SYDE2: variants seen among roughly 807,000 people sequenced by gnomAD.
The protein encoded by SYDE2 is rho GTPase-activating protein SYDE2.
SYDE2 carries 76 observed loss-of-function variants against 91.5 expected under a neutral mutation model. The ratio of observed to expected loss-of-function variants is 0.83; its 90% CI spans 0.69 to 1.01. The LOEUF is 1.01. Ranked by LOEUF, SYDE2 falls within the 50% of genes least tolerant of loss-of-function variation. SYDE2 has a pLI of 0.00. For synonymous variants in SYDE2, 513 were observed against 506.4 expected (o/e 1.01, Z -0.18); for missense variants, 1,364 against 1,367.7 (o/e 1.00, Z 0.04).
chr1:85,199,003 G>A (rs149141827), intron 1 of SYDE2, among the ~76,000 whole-genome samples: 21 of 152,246 alleles, frequency 1.4e-4, no homozygotes, highest in African/African-American at 3.9e-4. Flanking sequence ...TATTAGAGCC[G>A]TATAGACAGG....
intron 4 of SYDE2, among the ~76,000 whole-genome samples, chr1:85,173,362 G>GT (rs1657570903): frequency 6.6e-6 from 1 of 152,116 alleles, no homozygotes; most frequent in African/African-American, 2.4e-5. Flanking sequence ...TCCCCTGCAG[G>GT]TATCAGGGGG....
At chr1:85,180,242 GA>G (rs1657860478) in intron 3 of SYDE2, among the ~76,000 whole-genome samples, 1 of 151,740 alleles carries the variant, frequency 6.6e-6, no homozygotes, top group Non-Finnish European at 1.5e-5. Flanking sequence ...AATAATACAA[GA>G]ATAATTCCTG....
At position 85,200,906 on chromosome 1, in the gene SYDE2, G is replaced by T; in HGVS notation, c.91C>A (p.Gln31Lys). Residue 31 changes from glutamine to lysine, a missense_variant, in exon 1 of 7, where the codon CAG (glutamine) becomes AAG (lysine). Coordinates refer to ENST00000341460, the MANE Select transcript of SYDE2 (RefSeq NM_032184.2). ...TACGCGGCGCCGCGGGAAGGCGGCT[G>T]GCCCGGAGCCCGGGCTCCCGCGGGG... The part of the protein sequence containing the change: ...SFPAGARAPG[Q>K]PPSRGAAYRR... 7.5e-7 allele frequency: 1 copy of T among 1,325,642 alleles called. No homozygotes were observed. Among genetic ancestry groups the T allele is most frequent in the Non-Finnish European group, 9.6e-7 (1 of 1,047,058 alleles). 82.1% of individuals were successfully genotyped at this position (1,325,642 alleles called of 1,614,324 possible).
chr1:85,199,247 A>G (rs537435634), intron 1 of SYDE2, among the ~76,000 whole-genome samples: 1 of 152,324 alleles, frequency 6.6e-6, no homozygotes, highest in East Asian at 1.9e-4. Flanking sequence ...ATTATTCCTG[A>G]CTTATAAGTC....
At chr1:85,195,814 A>AGTATTCTCACAAAGCCTGCTTGCC (rs1231558499) in intron 1 of SYDE2, among the ~76,000 whole-genome samples, 3 of 152,236 alleles carry the variant, frequency 2.0e-5, no homozygotes, top group African/African-American at 7.2e-5. Context: ...GAGGCAAAGC[A>AGTATTCTCACAAAGCCTGCTTGCC]GTATTCTCAC....
At chr1:85,186,007 G>T (rs550787359) in intron 2 of SYDE2, among the ~76,000 whole-genome samples, 6 of 151,872 alleles carry the variant, frequency 4.0e-5, no homozygotes, top group African/African-American at 7.3e-5. Context: ...TAGCATGAAG[G>T]GTTGTTGAAT....
Position 85,182,957 on chromosome 1 carries a change from G to A in SYDE2, c.1685C>T (p.Ser562Phe). ...ATGAACTTCTCGGCAGTTATATTTA[G>A]ACAAAGAAGGAGTATTATCTGGACT... Reference protein sequence around the residue: ...INSPDNTPSLSKYNCREVHHT... With the variant: ...INSPDNTPSLFKYNCREVHHT... Residue 562 changes from serine (S) to phenylalanine (F), a missense_variant, in exon 3 of 7, where the codon TCT becomes TTT. Ser to Phe is a radical substitution (Grantham distance 155). Transcript: ENST00000341460. 6.2e-7 allele frequency: 1 copy of A among 1,613,782 alleles called. No homozygotes were observed. The highest frequency in any genetic ancestry group is 8.5e-7 in the Non-Finnish European group (1 of 1,179,762).
In SYDE2 at chr1:85,195,156, T is replaced by A. The variant is rs1165467996; in HGVS notation, c.746-4404A>T. Reference sequence around the variant, plus strand: ...GGCTGGGCAACAGAGCTAGACTCCATCTAAAAAAAAAAAAAAATGTGTAGT... The same window carrying A: ...GGCTGGGCAACAGAGCTAGACTCCAACTAAAAAAAAAAAAAAATGTGTAGT... On this transcript the variant is annotated intron_variant, in intron 1 of 6. Coordinates refer to ENST00000341460, the MANE Select transcript of SYDE2 (RefSeq NM_032184.2). Among the ~76,000 whole-genome samples, 13 of 129,964 alleles carry A rather than the reference T, an allele frequency of 1.0e-4. No homozygotes were observed. The East Asian group carries it at 2.0e-3, about 20-fold the overall frequency. 85.3% of individuals were successfully genotyped at this position (129,964 alleles called of 152,430 possible). A position where few individuals can be genotyped will look rare whatever the true frequency, so the allele number is the denominator to read the frequency against.
At chr1:85,161,680 T>G (rs916195130) in intron 6 of SYDE2, among the ~76,000 whole-genome samples, 1 of 147,010 alleles carries the variant, frequency 6.8e-6, no homozygotes, top group African/African-American at 2.5e-5. Flanking sequence ...GAGTCAAGAT[T>G]GCGCCAGTGC....
At position 85,190,098 on chromosome 1, in the gene SYDE2, A is replaced by G. The variant is rs1209824675; in HGVS notation, c.1400T>C (p.Ile467Thr). ...CAACATGGGACTGTCCTCCACCATT[A>G]TACCTTCTTGTGTCTTGTGTCCTAG... ...QKLGHKTQEG[I>T]MVEDSPMLKS... is the part of the protein sequence containing the mutation. Residue 467 changes from isoleucine to threonine, a missense_variant, in exon 2 of 7, where the codon ATA becomes ACA. Ile to Thr is a moderately conservative substitution (Grantham distance 89). Transcript: ENST00000341460. 6.2e-7 allele frequency: 1 copy of G among 1,613,768 alleles called. No individual in the cohort carries two copies. The highest frequency in any genetic ancestry group is 8.5e-7 in the Non-Finnish European group (1 of 1,179,768).
intron 6 of SYDE2, among the ~76,000 whole-genome samples, chr1:85,163,639 G>A (rs531892320): frequency 1.8e-4 from 28 of 151,664 alleles, no homozygotes; most frequent in African/African-American, 6.5e-4. Flanking sequence ...AGTTTTTGTC[G>A]TAGCCCATCC....
chr1:85,190,891 GA>G (rs1332004800), intron 1 of SYDE2, 139 bp from the exon 2 acceptor site: 6 of 535,224 alleles, frequency 1.1e-5, no homozygotes, highest in African/African-American at 1.9e-5. Flanking sequence ...AATTGAACTA[GA>G]AAAAATTTGA....
At chr1:85,153,406 A>G (rs917717883), downstream of SYDE2, 1 of 152,242 alleles carries the variant, frequency 6.6e-6, no homozygotes, top group Non-Finnish European at 1.5e-5. Flanking sequence ...GGGACAGGGT[A>G]AGAAAGACTC....
At chr1:85,189,706 C>T (rs891521429) in intron 2 of SYDE2, among the ~76,000 whole-genome samples, 5 of 152,078 alleles carry the variant, frequency 3.3e-5, no homozygotes, top group Non-Finnish European at 5.9e-5. Flanking sequence ...CATGGTGGCA[C>T]GCACCTGTAG....
At chr1:85,182,059 C>A in intron 3 of SYDE2, 39 bp downstream of exon 3, 1 of 1,509,566 alleles carries the variant, frequency 6.6e-7, no homozygotes, top group Non-Finnish European at 8.8e-7. Context: ...ATTAATCAAT[C>A]AATAAAGGAA....
chr1:85,188,964 T>C (rs752559947), intron 2 of SYDE2, among the ~76,000 whole-genome samples: 1 of 152,248 alleles, frequency 6.6e-6, no homozygotes, highest in Non-Finnish European at 1.5e-5. Flanking sequence ...AATGACTTGA[T>C]ATAAAACAGA....
intron 3 of SYDE2, 129 bp from the exon 4 acceptor site, chr1:85,178,401 G>A (rs943941586): frequency 1.8e-5 from 14 of 780,928 alleles, no homozygotes; most frequent in Non-Finnish European, 2.8e-5. Context: ...CTCAAATATA[G>A]CTTTTGAAGT....
At chr1:85,198,258 T>C (rs1338081697) in intron 1 of SYDE2, among the ~76,000 whole-genome samples, 2 of 152,190 alleles carry the variant, frequency 1.3e-5, no homozygotes, top group African/African-American at 4.8e-5. Flanking sequence ...CTGTTCTTTT[T>C]CTTGTAGCTG....
chr1:85,159,870 G>C (rs1557739111), intron 6 of SYDE2: 1 of 983,548 alleles, frequency 1.0e-6, no homozygotes, highest in Non-Finnish European at 1.2e-6. Context: ...TTTATTGCCT[G>C]GAAATAGTAC....
Sources: gnomAD v4.1 joint callset for allele counts (sites outside exome capture counted in the v4.1 genomes callset) on GRCh38, gnomAD v4.1.1 for gene constraint, MANE v1.5 for transcripts, NCBI Gene and HGNC (gene_info 2026-07-23, HGNC 2026-07-21) for gene names.